The following AGBL4 variants were observed in gnomAD, a reference collection of about 807,000 sequenced individuals.
AGBL4 encodes the protein cytosolic carboxypeptidase 6.
A neutral mutation model predicts 66.4 loss-of-function variants in AGBL4; 58 were observed. The observed-to-expected ratio is 0.87, with a 90% confidence interval of 0.71 to 1.09. The LOEUF (loss-of-function observed/expected upper bound fraction) is 1.09, where lower values mean the gene tolerates loss of function less well. Among genes scored for constraint, AGBL4 ranks in the 50% least tolerant of loss-of-function variants. AGBL4 has a pLI of 0.00. For missense variants in AGBL4, 579 were observed against 631.0 expected, an observed-to-expected ratio of 0.92 and a Z score of 0.88; for synonymous variants, 234 against 222.9, an observed-to-expected ratio of 1.05 and a Z score of -0.44.
intron 1 of AGBL4, among the ~76,000 whole-genome samples, chr1:49,931,412 G>T (rs1653343107): frequency 6.6e-6 from 1 of 152,084 alleles, no homozygotes; most frequent in South Asian, 2.1e-4. Flanking sequence ...GGCTTGGGAG[G>T]CCTCAGGAAA....
chr1:49,395,533 AGTGTGTGTGTGTGT>A (rs149386987), intron 3 of AGBL4, among the ~76,000 whole-genome samples: 1 of 139,356 alleles, frequency 7.2e-6, no homozygotes, highest in Non-Finnish European at 1.6e-5. Flanking sequence ...GCCAAACACT[AGTGTGTGTGTGTGT>A]GTGTGTGTGT....
At chr1:48,634,375 C>T in intron 9 of AGBL4, 118 bp downstream of exon 9, 2 of 767,914 alleles carry the variant, frequency 2.6e-6, no homozygotes, top group South Asian at 1.9e-5. Flanking sequence ...CTAGTGCCTC[C>T]CTGGTTTTAG....
chr1:49,822,483 G>A (rs868548934), intron 2 of AGBL4, among the ~76,000 whole-genome samples: 8 of 152,030 alleles, frequency 5.3e-5, no homozygotes, highest in South Asian at 2.1e-4. Context: ...TGCTCACAAC[G>A]CCTGGCTAAT....
chr1:49,643,675 G>A (rs1645828798), intron 3 of AGBL4, among the ~76,000 whole-genome samples: 1 of 151,556 alleles, frequency 6.6e-6, no homozygotes, highest in Admixed American at 6.6e-5. Flanking sequence ...AAGTGCAACA[G>A]TATCTTTAAA....
rs1643925463 is a variant in AGBL4 at position 48,533,679 on chromosome 1, G to C, written c.*494C>G. ...TTGATTTCAAAAATTCTGTCCCATT[G>C]TTCCCTAGGATGCATTTGCCCTTTG... On this transcript the variant is annotated 3_prime_UTR_variant, in exon 14 of 14. Coordinates refer to ENST00000371839, the MANE Select transcript of AGBL4 (RefSeq NM_032785.4). 1 of 167,026 alleles carries C rather than the reference G, an allele frequency of 6.0e-6. No homozygotes were observed. The highest frequency in any genetic ancestry group is 6.1e-5 in the Admixed American group (1 of 16,346). The allele number at this position is 167,026 out of a possible 1,614,324, so 10.3% of individuals were successfully genotyped here.
intron 1 of AGBL4, among the ~76,000 whole-genome samples, chr1:49,967,478 A>T (rs982429892): frequency 6.6e-6 from 1 of 151,928 alleles, no homozygotes; most frequent in Non-Finnish European, 1.5e-5. Context: ...ACACATGGAC[A>T]TAGGGAGGGG....
intron 9 of AGBL4, among the ~76,000 whole-genome samples, chr1:48,627,350 T>C (rs1341845249): frequency 6.6e-6 from 1 of 152,070 alleles, no homozygotes; most frequent in Non-Finnish European, 1.5e-5. Context: ...TGTATACGTA[T>C]TTTCTGTTTG....
At chr1:49,176,293 A>G (rs1193217009) in intron 4 of AGBL4, among the ~76,000 whole-genome samples, 3 of 152,188 alleles carry the variant, frequency 2.0e-5, no homozygotes, top group African/African-American at 7.2e-5. Context: ...GCAGTAAGGT[A>G]GGTAAAAAGA....
chr1:49,016,497 A>G (rs1472368580), intron 5 of AGBL4, among the ~76,000 whole-genome samples: 1 of 152,140 alleles, frequency 6.6e-6, no homozygotes, highest in Non-Finnish European at 1.5e-5. Flanking sequence ...GTCACTTGAG[A>G]GTGCCGGAGT....
chr1:49,946,406 C>T (rs7522231), intron 1 of AGBL4, among the ~76,000 whole-genome samples: 14,342 of 151,842 alleles, frequency 0.094, 913 homozygotes, highest in African/African-American at 0.17. Flanking sequence ...CCAAAAGGAA[C>T]ATTTAAAACC....
intron 3 of AGBL4, among the ~76,000 whole-genome samples, chr1:49,666,010 A>C (rs1646359214): frequency 1.3e-5 from 2 of 151,580 alleles, no homozygotes; most frequent in Non-Finnish European, 2.9e-5. Flanking sequence ...AAATTTTTAA[A>C]AAATTTTTTT....
At position 49,994,279 on chromosome 1, in the gene AGBL4, C is replaced by G. The variant is rs542786285; in HGVS notation, c.34+29484G>C. 2.8e-3 allele frequency: 334 copies of G among 119,214 alleles called. 4 individuals are homozygous for G. The highest frequency in any genetic ancestry group is 0.01 in the African/African-American group (321 of 31,698). The allele number at this position is 119,214 out of a possible 1,614,324, so 7.4% of individuals were successfully genotyped here. On this transcript the variant is annotated intron_variant, in intron 1 of 13. Transcript: ENST00000371839. ...AATAATTTACAGAAAATATAGAAGA[C>G]AATACAATGTGTTGAACTACACCAT...
intron 3 of AGBL4, among the ~76,000 whole-genome samples, chr1:49,513,375 A>G (rs1455882313): frequency 6.6e-6 from 1 of 151,980 alleles, no homozygotes; most frequent in African/African-American, 2.4e-5. Flanking sequence ...TCCTGTCACC[A>G]TGGTAGTATT....
intron 3 of AGBL4, among the ~76,000 whole-genome samples, chr1:49,543,582 A>G (rs575019351): frequency 6.6e-6 from 1 of 152,284 alleles, no homozygotes; most frequent in South Asian, 2.1e-4. Context: ...ATATATCAGC[A>G]AGAGTGTTCT....
intron 3 of AGBL4, among the ~76,000 whole-genome samples, chr1:49,532,479 T>C (rs552749323): frequency 8.1e-4 from 123 of 152,230 alleles, no homozygotes; most frequent in African/African-American, 2.9e-3. Context: ...TCTAATCCCT[T>C]CCTTGTTCAT....
intron 3 of AGBL4, among the ~76,000 whole-genome samples, chr1:49,591,219 A>G (rs1034513048): frequency 3.9e-5 from 6 of 152,004 alleles, no homozygotes; most frequent in Non-Finnish European, 7.4e-5. Context: ...AATCAATGAA[A>G]CCAAAAGTTG....
In AGBL4 at chr1:48,757,686, G is replaced by T. The variant is rs564321523; in HGVS notation, c.635-94445C>A. 3.3e-5 allele frequency among the ~76,000 whole-genome samples: 5 copies of T among 152,304 alleles called. No individual in the cohort carries two copies. In the South Asian group the frequency reaches 8.3e-4, roughly 25 times the overall value. On this transcript the variant is annotated intron_variant, in intron 6 of 13. Coordinates refer to ENST00000371839, the MANE Select transcript of AGBL4 (RefSeq NM_032785.4). ...TGGGGATATACTTTAAGAAGCAAAT[G>T]ACACCTACAAATATAAGTAAATTAG...
intron 4 of AGBL4, among the ~76,000 whole-genome samples, chr1:49,106,119 C>T (rs950364906): frequency 6.6e-6 from 1 of 152,142 alleles, no homozygotes; most frequent in Admixed American, 6.5e-5. Flanking sequence ...TGACGGACCC[C>T]AGTGCTGGCT....
chr1:49,935,639 C>A (rs1382505607), intron 1 of AGBL4, among the ~76,000 whole-genome samples: 1 of 152,158 alleles, frequency 6.6e-6, no homozygotes, highest in Non-Finnish European at 1.5e-5. Flanking sequence ...TGAGACAAAA[C>A]TTCCACAGGA....
Sources: allele counts gnomAD v4.1 joint callset (sites outside exome capture counted in the v4.1 genomes callset), GRCh38; gene constraint gnomAD v4.1.1; transcripts MANE v1.5; gene names NCBI Gene and HGNC (gene_info 2026-07-23, HGNC 2026-07-21).